Variants in GLMN observed in about 807,000 individuals in gnomAD.
GLMN encodes glomulin.
GLMN carries 75 observed loss-of-function variants against 87.8 expected under a neutral mutation model. The observed-to-expected ratio is 0.85, with a 90% CI of 0.71 to 1.04. The LOEUF is 1.04. GLMN is among the 50% of genes least tolerant of loss of function. GLMN has a pLI of 0.00. For synonymous variants in GLMN, 206 were observed against 221.6 expected, an observed-to-expected ratio of 0.93 and a Z score of 0.63; for missense variants, 588 against 658.8, an observed-to-expected ratio of 0.89 and a Z score of 1.18.
chr1:92,290,143 A>G, intron 5 of GLMN, 55 bp downstream of exon 5: 1 of 979,474 alleles, frequency 1.0e-6, no homozygotes, highest in Non-Finnish European at 1.7e-6. Flanking sequence ...TGAGGTAACC[A>G]TCAAGGCATT....
At chr1:92,348,157 G>A in the GLMN span, among the ~76,000 whole-genome samples, 1 of 152,186 alleles carries the variant, frequency 6.6e-6, no homozygotes, top group African/African-American at 2.4e-5. Flanking sequence ...CCAAAGTGCT[G>A]TGATTACAGG....
chr1:92,284,981 T>C lies in GLMN; in HGVS notation c.735+1509A>G, dbSNP rs370223123. ...AGGAAACAACAGATGCTGGAGAGGATGTGGAGAAATAGGAACGCTTTTACA... is the reference window on the plus strand; with the variant it reads ...AGGAAACAACAGATGCTGGAGAGGACGTGGAGAAATAGGAACGCTTTTACA... On this transcript the variant is annotated intron_variant, in intron 7 of 18. Coordinates refer to ENST00000370360, the MANE Select transcript of GLMN (RefSeq NM_053274.3). Among the ~76,000 whole-genome samples, 10 of 152,064 alleles carry C rather than the reference T, an allele frequency of 6.6e-5. No individual in the cohort carries two copies. The East Asian group carries it at 1.3e-3, about 20-fold the overall frequency.
the GLMN span, among the ~76,000 whole-genome samples, chr1:92,331,353 G>A: frequency 6.6e-6 from 1 of 152,136 alleles, no homozygotes; most frequent in Non-Finnish European, 1.5e-5. Flanking sequence ...TTGGTATACA[G>A]TATTTGGGTT....
chr1:92,263,168 T>A, intron 15 of GLMN, among the ~76,000 whole-genome samples: 1 of 152,200 alleles, frequency 6.6e-6, no homozygotes. Context: ...GAGAGCATCA[T>A]CTCTTGCTTT....
chr1:92,297,631 CT>C (rs1650270142), intron 2 of GLMN, 102 bp from the exon 3 acceptor site: 3 of 1,034,492 alleles, frequency 2.9e-6, no homozygotes, highest in Non-Finnish European at 4.3e-6. Flanking sequence ...AAAAGGAAAT[CT>C]GTTTAAATTC....
rs1439518556 is a variant in GLMN, at chr1:92,250,183, T to C, written c.1474-2194A>G. The stretch of plus-strand genomic sequence containing the variant: ...AGGAAACCTTTGACAAAAGGAAACA[T>C]TTTATCATATTTACTTTTAAAAAAT... On this transcript the variant is annotated intron_variant, in intron 16 of 18. Coordinates refer to ENST00000370360, the MANE Select transcript of GLMN (RefSeq NM_053274.3). Among the ~76,000 whole-genome samples the C allele has an allele frequency of 3.9e-5, 6 of 152,086 alleles. No individual in the cohort carries two copies. In the South Asian group the frequency reaches 8.3e-4, roughly 21 times the overall value.
rs1656227985 is a variant in GLMN at position 92,271,481 on chromosome 1, G to A, written c.907C>T (p.Leu303Phe). Residue 303 changes from leucine (L) to phenylalanine (F), a missense_variant, in exon 8 of 19, where the codon CTT becomes TTT. Transcript: ENST00000370360. ...VFVQGIHIDQ[L>F]PMVLSPLYLL... ...AACTCTTACCTTAAGACCATTGGAA[G>A]CTGATCAATATGGATGCCCTGTACA... 1.2e-6 allele frequency: 2 copies of A among 1,611,534 alleles called. No homozygotes were observed. Among genetic ancestry groups the A allele is most frequent in the African/African-American group, 1.3e-5 (1 of 74,854 alleles).
rs1422506883 is a variant in GLMN at position 92,262,998 on chromosome 1, CTT to C, written c.1410-74_1410-73del. On this transcript the variant is annotated intron_variant, in intron 15 of 18. Transcript: ENST00000370360. ...CAACAGCAATCTCAATAAGCTAAAA[CTT>C]TGGTCATATTTTTATAATTAGGTTT... 7.5e-6 allele frequency: 5 copies of C among 671,034 alleles called. No homozygotes were observed. In the East Asian group the frequency reaches 1.4e-4, roughly 18 times the overall value. The allele number at this position is 671,034 out of a possible 1,614,324, so 41.6% of individuals were successfully genotyped here.
chr1:92,348,575 G>T, the GLMN span, among the ~76,000 whole-genome samples: 1 of 152,054 alleles, frequency 6.6e-6, no homozygotes, highest in African/African-American at 2.4e-5. Context: ...TCTGTCTCCT[G>T]CCCCATATTA....
the GLMN span, among the ~76,000 whole-genome samples, chr1:92,329,977 C>T: frequency 6.6e-6 from 1 of 152,158 alleles, no homozygotes; most frequent in African/African-American, 2.4e-5. Context: ...AGGAATGATA[C>T]ACTAATCATA....
the GLMN span, among the ~76,000 whole-genome samples, chr1:92,304,900 C>A: frequency 2.0e-5 from 3 of 152,060 alleles, no homozygotes; most frequent in African/African-American, 7.2e-5. Context: ...CTTTGGGAGG[C>A]CAAGGGGGGC....
Position 92,268,103 on chromosome 1 carries a change from A to AC in GLMN, c.1008+1dup. On this transcript the variant is annotated splice_donor_variant, in intron 10 of 18. Coordinates refer to ENST00000370360, the MANE Select transcript of GLMN (RefSeq NM_053274.3). LOFTEE classifies it high-confidence loss of function. The stretch of plus-strand genomic sequence containing the variant: ...AAGTTATAATGGGAACAAACATCTT[A>AC]CCAATCCTTTGGAGATAACAGACTC... 6.8e-7 allele frequency: 1 copy of AC among 1,462,610 alleles called. No homozygotes were observed. The allele number at this position is 1,462,610 out of a possible 1,614,324, so 90.6% of individuals were successfully genotyped here.
At chr1:92,330,439 ATTTTTTTTTTTTTT>A in the GLMN span, among the ~76,000 whole-genome samples, 6 of 61,452 alleles carry the variant, frequency 9.8e-5, no homozygotes, top group Non-Finnish European at 1.7e-4. Context: ...TGGGTTGTCA[ATTTTTTTTTTTTTT>A]TTTTTTTTTT....
the GLMN span, among the ~76,000 whole-genome samples, chr1:92,338,445 A>G: frequency 6.6e-6 from 1 of 152,216 alleles, no homozygotes; most frequent in East Asian, 1.9e-4. Flanking sequence ...TCTTATACCT[A>G]TCACAGAACC....
chr1:92,309,122 T>C, the GLMN span, among the ~76,000 whole-genome samples: 2 of 151,794 alleles, frequency 1.3e-5, no homozygotes, highest in African/African-American at 4.8e-5. Flanking sequence ...TATATACCCT[T>C]CACTACCTCA....
the GLMN span, among the ~76,000 whole-genome samples, chr1:92,309,104 A>G: frequency 1.3e-5 from 2 of 151,874 alleles, no homozygotes; most frequent in African/African-American, 4.8e-5. Context: ...TTGAAATTCT[A>G]CCTTAGCTAT....
the GLMN span, among the ~76,000 whole-genome samples, chr1:92,330,366 T>C: frequency 6.6e-6 from 1 of 152,090 alleles, no homozygotes; most frequent in Non-Finnish European, 1.5e-5. Flanking sequence ...CTAAAATTAA[T>C]GTTAGTTCTT....
intron 16 of GLMN, among the ~76,000 whole-genome samples, chr1:92,260,765 GAA>G (rs765865353): frequency 5.0e-5 from 5 of 100,064 alleles, no homozygotes; most frequent in South Asian, 8.1e-4. Context: ...CTTTGAGATG[GAA>G]AAAAAAAAAA....
chr1:92,267,446 G>T (rs1332473261), intron 11 of GLMN, among the ~76,000 whole-genome samples: 1 of 152,182 alleles, frequency 6.6e-6, no homozygotes, highest in East Asian at 1.9e-4. Flanking sequence ...GCTCACACCT[G>T]TAATCCCAGC....
Sources: allele counts gnomAD v4.1 joint callset (sites outside exome capture counted in the v4.1 genomes callset), GRCh38; gene constraint gnomAD v4.1.1; transcripts MANE v1.5; gene names NCBI Gene and HGNC (gene_info 2026-07-23, HGNC 2026-07-21).